ACTR8: variants seen among roughly 807,000 people sequenced by gnomAD.
The protein encoded by ACTR8 is actin related protein 8.
ACTR8 carries 70 observed loss-of-function variants against 84.3 expected under a neutral mutation model. That is an observed-to-expected ratio of 0.83 (90% CI 0.68 to 1.01). The LOEUF (loss-of-function observed/expected upper bound fraction) is 1.01, where lower values mean the gene tolerates loss of function less well. ACTR8 is among the 50% of genes least tolerant of loss of function. ACTR8 has a pLI of 0.00. For synonymous variants in ACTR8, 268 were observed against 275.2 expected, an observed-to-expected ratio of 0.97 and a Z score of 0.26; for missense variants, 672 against 775.4, an observed-to-expected ratio of 0.87 and a Z score of 1.58.
intron 9 of ACTR8, 142 bp downstream of exon 9, chr3:53,872,890 G>T (rs1699908610): frequency 3.0e-6 from 2 of 667,948 alleles, no homozygotes; most frequent in Non-Finnish European, 5.1e-6. Context: ...TATACCAGTG[G>T]CTTAAATGTT....
In ACTR8 at chr3:53,871,406, T is replaced by A; in HGVS notation, c.1393A>T (p.Arg465Ter). ...LRGQSSDLPE[R>*]LHSQEVDLGS... ...AAATCTACCTCCTGGGAATGGAGTC[T>A]TTCTGGAAGATCAGAGGACTGGCCA... Residue 465 changes from arginine (R) to a stop codon, truncating the protein, a stop_gained, in exon 11 of 13, where the codon AGA becomes TGA. Transcript: ENST00000335754. LOFTEE classifies it high-confidence loss of function. The A allele has an allele frequency of 6.2e-7, 1 of 1,614,232 alleles. No individual in the cohort carries two copies. Among genetic ancestry groups the A allele is most frequent in the South Asian group, 1.1e-5 (1 of 91,088 alleles).
chr3:53,875,005 T>A (rs1459263647), intron 7 of ACTR8, among the ~76,000 whole-genome samples: 1 of 152,234 alleles, frequency 6.6e-6, no homozygotes, highest in Non-Finnish European at 1.5e-5. Flanking sequence ...CACTAGCATG[T>A]AAGGCAGCAA....
chr3:53,882,116 C>A lies in ACTR8; in HGVS notation c.-15G>T. The A allele has an allele frequency of 3.2e-6, 5 of 1,551,216 alleles. No individual in the cohort carries two copies. In the South Asian group the frequency reaches 5.9e-5, roughly 18 times the overall value. ...GCCTGGGTCATTATGGCCGGAGACA[C>A]CCACCAACCTCTCGCCTCAGCGCTG... On this transcript the variant is annotated 5_prime_UTR_variant, in exon 1 of 13. Transcript: ENST00000335754.
chr3:53,876,449 G>A (rs893211196), intron 6 of ACTR8, among the ~76,000 whole-genome samples, 171 bp downstream of exon 6: 4 of 152,170 alleles, frequency 2.6e-5, no homozygotes, highest in Admixed American at 2.0e-4. Context: ...AACCCGGGAG[G>A]TGGAGCTTGC....
chr3:53,864,952 CAAAAG>C (rs1699727034), downstream of ACTR8: 3 of 1,613,976 alleles, frequency 1.9e-6, no homozygotes, highest in African/African-American at 4.0e-5. Context: ...GCTTGCCACT[CAAAAG>C]AAGGCAGCAG....
Position 53,873,245 on chromosome 3 carries a change from T to C in ACTR8, c.1066-118A>G, listed in dbSNP as rs1044609772. On this transcript the variant is annotated intron_variant, in intron 8 of 12. Transcript: ENST00000335754. ...CCTATAAAAAGGCCAACCTACAGCT[T>C]TGTACCACTCACACTATAATTTAGT... The C allele has an allele frequency of 3.6e-5, 23 of 636,016 alleles. No homozygotes were observed. The East Asian group carries it at 3.7e-4, about 10-fold the overall frequency. 39.4% of individuals were successfully genotyped at this position (636,016 alleles called of 1,614,324 possible).
chr3:53,881,293 T>C (rs972849865), intron 1 of ACTR8, among the ~76,000 whole-genome samples: 21 of 152,378 alleles, frequency 1.4e-4, no homozygotes, highest in African/African-American at 4.6e-4. Context: ...GTACACTGCC[T>C]GTGCCCGTTT....
intron 12 of ACTR8, 110 bp from the exon 13 acceptor site, chr3:53,868,972 C>A: frequency 1.4e-6 from 2 of 1,398,326 alleles, no homozygotes; most frequent in Admixed American, 2.5e-5. Flanking sequence ...CCTAGTAAGC[C>A]AGGCTTTCAC....
intron 6 of ACTR8, 74 bp downstream of exon 6, chr3:53,876,546 T>G: frequency 1.2e-6 from 1 of 838,032 alleles, no homozygotes; most frequent in Non-Finnish European, 1.9e-6. Context: ...AATAAGTCAG[T>G]AAATAAGATT....
At chr3:53,873,449 T>C (rs944551760) in intron 8 of ACTR8, among the ~76,000 whole-genome samples, 1 of 152,192 alleles carries the variant, frequency 6.6e-6, no homozygotes, top group Non-Finnish European at 1.5e-5. Context: ...AATTTTTTAA[T>C]ATTTAGATTA....
intron 4 of ACTR8, 59 bp downstream of exon 4, chr3:53,877,588 A>T: frequency 6.4e-7 from 1 of 1,552,702 alleles, no homozygotes; most frequent in East Asian, 2.3e-5. Flanking sequence ...AACGTAAATG[A>T]ATTTTAGGAG....
Position 53,870,024 on chromosome 3 carries a change from G to C in ACTR8, c.1689C>G (p.Phe563Leu), listed in dbSNP as rs770924197. ...HRILNKMPPS[F>L]RRIIENVDVI... is the part of the protein sequence containing the mutation. ...CATCCACATTTTCAATAATTCGCCTGAAGGATGGTGGCATTTTGTTGAGAA... is the reference window on the plus strand; with the variant it reads ...CATCCACATTTTCAATAATTCGCCTCAAGGATGGTGGCATTTTGTTGAGAA... The change falls in exon 12 of 13, where the codon TTC becomes TTG. Residue 563 changes from phenylalanine to leucine, a missense_variant. Coordinates refer to ENST00000335754, the MANE Select transcript of ACTR8 (RefSeq NM_022899.5). This position sits in a 1 kb window ranked among gnomAD's most constrained non-coding sequence, Gnocchi z 4.1. 1.9e-6 allele frequency: 3 copies of C among 1,614,188 alleles called. No individual in the cohort carries two copies. In the South Asian group the frequency reaches 3.3e-5, roughly 18 times the overall value.
rs538616789 is a variant in ACTR8 at position 53,874,467 on chromosome 3, G to A, written c.912-103C>T. ...TGGCTGGGCATGGTGGTTCCTGCCT[G>A]TAATCCCAGCACTTTGGGAGGCTGA... On this transcript the variant is annotated intron_variant, in intron 7 of 12. Transcript: ENST00000335754. 14 of 1,194,742 alleles carry A rather than the reference G, an allele frequency of 1.2e-5. No individual in the cohort carries two copies. In the Admixed American group the frequency reaches 2.7e-4, roughly 23 times the overall value. The allele number at this position is 1,194,742 out of a possible 1,614,324, so 74.0% of individuals were successfully genotyped here.
intron 1 of ACTR8, chr3:53,881,682 TC>T (rs1181221553): frequency 1.2e-5 from 6 of 499,078 alleles, no homozygotes; most frequent in Admixed American, 1.0e-4. Flanking sequence ...CGTTTTATGG[TC>T]GGGGAAGCTG....
In ACTR8 at chr3:53,870,984, G is replaced by T. The variant is rs1201571516; in HGVS notation, c.1567+248C>A. 6.6e-6 allele frequency among the ~76,000 whole-genome samples: 1 copy of T among 152,214 alleles called. No homozygotes were observed. The highest frequency in any genetic ancestry group is 1.9e-4 in the East Asian group (1 of 5,194). ...TTATCTAAAGGGTACTGACTGCTTAGTAGTGGCCTGCCAGTGGTAATTTCA... is the reference window on the plus strand; with the variant it reads ...TTATCTAAAGGGTACTGACTGCTTATTAGTGGCCTGCCAGTGGTAATTTCA... On this transcript the variant is annotated intron_variant, in intron 11 of 12. Transcript: ENST00000335754. The surrounding 1 kb of genome is among the most constrained non-coding windows in gnomAD (Gnocchi z 4.1).
chr3:53,876,407 C>T (rs1235396131), intron 6 of ACTR8, among the ~76,000 whole-genome samples: 1 of 151,764 alleles, frequency 6.6e-6, no homozygotes, highest in African/African-American at 2.4e-5. Context: ...TAGTCCCAGC[C>T]AATCAGGAGG....
At chr3:53,861,195 T>A in the ACTR8 span, 3 of 152,128 alleles carry the variant, frequency 2.0e-5, no homozygotes, top group Admixed American at 1.3e-4. Context: ...TTTAGTGCAA[T>A]ATCGTAAACC....
At chr3:53,871,174 T>C (rs1171975488) in intron 11 of ACTR8, 58 bp downstream of exon 11, 1 of 1,583,020 alleles carries the variant, frequency 6.3e-7, no homozygotes, top group Non-Finnish European at 8.6e-7. Context: ...ACTGAACCAA[T>C]TTATTTAACT....
At chr3:53,881,349 T>C (rs770797136) in intron 1 of ACTR8, among the ~76,000 whole-genome samples, 8 of 152,232 alleles carry the variant, frequency 5.3e-5, no homozygotes, top group Non-Finnish European at 1.0e-4. Context: ...AGGTTTTGTG[T>C]ATGTGTATAC....
Sources: gnomAD v4.1 joint callset for allele counts (sites outside exome capture counted in the v4.1 genomes callset) on GRCh38, gnomAD v4.1.1 for gene constraint, Gnocchi (gnomAD v3.1) non-coding constraint, MANE v1.5 for transcripts, NCBI Gene and HGNC (gene_info 2026-07-23, HGNC 2026-07-21) for gene names.